Variants in ESCO1 observed in about 807,000 individuals in gnomAD.
The protein encoded by ESCO1 is N-acetyltransferase ESCO1.
In ESCO1, 33 loss-of-function variants were observed where a neutral mutation model predicts 83.5. The ratio of observed to expected loss-of-function variants is 0.40; its 90% CI spans 0.30 to 0.53. The LOEUF (loss-of-function observed/expected upper bound fraction) is 0.53, where lower values mean the gene tolerates loss of function less well. Among genes scored for constraint, ESCO1 ranks in the 20% least tolerant of loss-of-function variants. ESCO1 has a pLI of 0.63. For synonymous variants in ESCO1, 332 were observed against 324.3 expected (o/e 1.02, Z -0.25); for missense variants, 855 against 968.0 (o/e 0.88, Z 1.55).
At chr18:21,532,263 T>C (rs1414112212) in intron 11 of ESCO1, among the ~76,000 whole-genome samples, 1 of 152,228 alleles carries the variant, frequency 6.6e-6, no homozygotes, top group Non-Finnish European at 1.5e-5. Flanking sequence ...TTAATATTAA[T>C]AGTGTTTAGC....
chr18:21,566,226 G>C lies in ESCO1; in HGVS notation c.1646-20C>G, dbSNP rs1052602828. ...CTGAACCTGTAATTTAATCAAGAAG[G>C]TGGGTTATATATTGAGTTTTATACT... On this transcript the variant is annotated intron_variant, in intron 5 of 11. Coordinates refer to ENST00000269214, the MANE Select transcript of ESCO1 (RefSeq NM_052911.3). 6.2e-7 allele frequency: 1 copy of C among 1,609,166 alleles called. No individual in the cohort carries two copies. Among genetic ancestry groups the C allele is most frequent in the African/African-American group, 1.3e-5 (1 of 74,648 alleles).
intron 8 of ESCO1, among the ~76,000 whole-genome samples, chr18:21,542,327 C>A (rs1447487904): frequency 6.6e-6 from 1 of 152,190 alleles, no homozygotes; most frequent in Non-Finnish European, 1.5e-5. Flanking sequence ...GCTGGGACTA[C>A]AGGCGTGCAC....
At chr18:21,553,331 G>A (rs2038067987) in intron 8 of ESCO1, among the ~76,000 whole-genome samples, 3 of 151,600 alleles carry the variant, frequency 2.0e-5, no homozygotes. Context: ...TTTTGGACTG[G>A]GCACGGTGGC....
At chr18:21,581,726 A>G (rs1304069519) in intron 2 of ESCO1, among the ~76,000 whole-genome samples, 1 of 152,176 alleles carries the variant, frequency 6.6e-6, no homozygotes, top group African/African-American at 2.4e-5. Context: ...AAAATAGATT[A>G]CTCAACAATT....
intron 2 of ESCO1, among the ~76,000 whole-genome samples, chr18:21,579,402 C>T (rs935315846): frequency 6.6e-6 from 1 of 151,700 alleles, no homozygotes; most frequent in Non-Finnish European, 1.5e-5. Flanking sequence ...TCTGAGGCTG[C>T]AGTGAACTAC....
At chr18:21,583,425 C>T (rs1024448698) in intron 2 of ESCO1, among the ~76,000 whole-genome samples, 2 of 152,156 alleles carry the variant, frequency 1.3e-5, no homozygotes, top group African/African-American at 2.4e-5. Flanking sequence ...GGGCAGATCA[C>T]GTGAGGTCAG....
chr18:21,594,991 C>T (rs1175213451), intron 1 of ESCO1, among the ~76,000 whole-genome samples: 2 of 146,202 alleles, frequency 1.4e-5, no homozygotes, highest in Non-Finnish European at 3.0e-5. Context: ...TGAAAAACTA[C>T]AGGAGAGCAC....
At chr18:21,563,707 T>A (rs1012683713) in intron 7 of ESCO1, among the ~76,000 whole-genome samples, 1 of 152,204 alleles carries the variant, frequency 6.6e-6, no homozygotes, top group African/African-American at 2.4e-5. Context: ...CAAAAGTGAA[T>A]GAATTTATTC....
chr18:21,558,288 T>A (rs1227161944), intron 8 of ESCO1, among the ~76,000 whole-genome samples: 1 of 151,884 alleles, frequency 6.6e-6, no homozygotes, highest in Non-Finnish European at 1.5e-5. Flanking sequence ...TAAGAAAAAA[T>A]TTTCTTACTG....
At chr18:21,589,846 CTTTT>C (rs76183656) in intron 1 of ESCO1, among the ~76,000 whole-genome samples, 67,864 of 151,004 alleles carry the variant, frequency 0.45, 18,137 homozygotes, top group Non-Finnish European at 0.6. Flanking sequence ...TTTTTCCTCT[CTTTT>C]TTTTTCTCGC....
chr18:21,538,772 A>G (rs1350295338), intron 9 of ESCO1, among the ~76,000 whole-genome samples: 3 of 152,180 alleles, frequency 2.0e-5, no homozygotes, highest in African/African-American at 7.2e-5. Context: ...ACACTCTAGT[A>G]TAATTACTAA....
In ESCO1 at chr18:21,600,610, G is replaced by A. The variant is rs1241393262; in HGVS notation, c.-825+13C>T. Reference sequence around the variant, plus strand: ...GACACAGGCGGCGGGGACCGTCAGGGACGCTCGCGTACCTTCCTTTTGCCT... The same window carrying A: ...GACACAGGCGGCGGGGACCGTCAGGAACGCTCGCGTACCTTCCTTTTGCCT... On this transcript the variant is annotated intron_variant, in intron 1 of 11. Coordinates refer to ENST00000269214, the MANE Select transcript of ESCO1 (RefSeq NM_052911.3). 1 of 152,394 alleles carries A rather than the reference G, an allele frequency of 6.6e-6. No homozygotes were observed. The highest frequency in any genetic ancestry group is 2.4e-5 in the African/African-American group (1 of 41,472). 9.4% of individuals were successfully genotyped at this position (152,394 alleles called of 1,614,324 possible). A position where few individuals can be genotyped will look rare whatever the true frequency, so the allele number is the denominator to read the frequency against.
intron 8 of ESCO1, among the ~76,000 whole-genome samples, chr18:21,555,339 CAT>C (rs1013407540): frequency 5.9e-5 from 9 of 152,126 alleles, no homozygotes; most frequent in African/African-American, 1.9e-4. Flanking sequence ...ATGGTGAATA[CAT>C]GTCATTATAC....
intron 6 of ESCO1, among the ~76,000 whole-genome samples, chr18:21,565,871 A>G (rs2038252711): frequency 6.6e-6 from 1 of 152,064 alleles, no homozygotes; most frequent in South Asian, 2.1e-4. Context: ...CCAGGAGTTC[A>G]AGGCTGCAGT....
chr18:21,587,477 G>A (rs2038598337), intron 1 of ESCO1, among the ~76,000 whole-genome samples: 1 of 152,090 alleles, frequency 6.6e-6, no homozygotes, highest in Non-Finnish European at 1.5e-5. Flanking sequence ...CAGTTTATAA[G>A]AACTTGTCTA....
chr18:21,568,116 T>C (rs749675934), intron 4 of ESCO1, 22 bp from the exon 5 acceptor site: 6 of 1,545,444 alleles, frequency 3.9e-6, no homozygotes, highest in Non-Finnish European at 2.7e-6. Flanking sequence ...TAATTCAAAA[T>C]TTTTACATCA....
intron 7 of ESCO1, 83 bp from the exon 8 acceptor site, chr18:21,561,073 C>T: frequency 7.5e-7 from 1 of 1,339,760 alleles, no homozygotes; most frequent in South Asian, 1.8e-5. Context: ...ATAGTGTGAG[C>T]ATAAAGTAAG....
chr18:21,545,134 T>C (rs1424535177), intron 8 of ESCO1, among the ~76,000 whole-genome samples: 1 of 152,222 alleles, frequency 6.6e-6, no homozygotes, highest in African/African-American at 2.4e-5. Context: ...GGGGTCTCAC[T>C]ATGTTGCCAA....
intron 2 of ESCO1, among the ~76,000 whole-genome samples, chr18:21,579,074 C>G (rs1046712370): frequency 1.3e-5 from 2 of 152,078 alleles, no homozygotes; most frequent in African/African-American, 2.4e-5. Context: ...GTTGGCCAGG[C>G]GGGTCCCGAA....
Sources: gnomAD v4.1 joint callset for allele counts (sites outside exome capture counted in the v4.1 genomes callset) on GRCh38, gnomAD v4.1.1 for gene constraint, MANE v1.5 for transcripts, NCBI Gene and HGNC (gene_info 2026-07-23, HGNC 2026-07-21) for gene names.